Variants in RPS6KB2 observed in about 807,000 individuals in gnomAD.
The protein encoded by RPS6KB2 is ribosomal protein S6 kinase B2, also known as ribosomal protein S6 kinase beta-2.
A neutral mutation model predicts 58.2 loss-of-function variants in RPS6KB2; 51 were observed. That is an observed-to-expected ratio of 0.88 (90% confidence interval 0.70 to 1.11). RPS6KB2 has a LOEUF of 1.11. RPS6KB2 is among the 50% of genes least tolerant of loss of function. The pLI is 0.00. For missense variants in RPS6KB2, 671 were observed against 655.8 expected (o/e 1.02, Z -0.25); for synonymous variants, 293 against 258.6 (o/e 1.13, Z -1.28).
In RPS6KB2 at chr11:67,433,215, C is replaced by T. The variant is rs566933669; in HGVS notation, c.797C>T (p.Ser266Leu). The T allele has an allele frequency of 2.9e-5, 47 of 1,606,486 alleles. 2 individuals are homozygous for T. Among genetic ancestry groups the T allele is most frequent in the Middle Eastern group, 3.3e-4 (2 of 6,056 alleles). Reference sequence around the variant, plus strand: ...CTGATGTACGACATGCTCACTGGATCGGCAAGTCCAGCCCCCGGGGAGGAG... The same window carrying T: ...CTGATGTACGACATGCTCACTGGATTGGCAAGTCCAGCCCCCGGGGAGGAG... ...GALMYDMLTGSPPFTAENRKK... is the reference protein window; with the variant it reads ...GALMYDMLTGLPPFTAENRKK... The change falls in exon 9 of 15, where the codon TCG becomes TTG. Residue 266 changes from serine (S) to leucine (L), a missense_variant and splice_region_variant. Physicochemically the swap from Ser to Leu is moderately radical, Grantham distance 145. Coordinates refer to ENST00000312629, the MANE Select transcript of RPS6KB2 (RefSeq NM_003952.3).
intron 5 of RPS6KB2, 54 bp downstream of exon 5, chr11:67,431,569 C>T: frequency 5.1e-6 from 8 of 1,580,324 alleles, no homozygotes; most frequent in Admixed American, 1.7e-5. Context: ...GGCAGCGAGC[C>T]AGCAAAGGAA....
intron 5 of RPS6KB2, 65 bp from the exon 6 acceptor site, chr11:67,432,535 A>G: frequency 1.3e-6 from 2 of 1,554,702 alleles, no homozygotes; most frequent in Non-Finnish European, 8.9e-7. Flanking sequence ...AAGAAGAAAT[A>G]AAGACTCAGA....
At chr11:67,428,719 G>A (rs1359625475) in intron 1 of RPS6KB2, 96 bp downstream of exon 1, 8 of 1,226,932 alleles carry the variant, frequency 6.5e-6, no homozygotes, top group African/African-American at 1.5e-5. Context: ...AGCGGGCTCC[G>A]ACTCTTTGCA....
chr11:67,431,247 C>G (rs1864010524), intron 4 of RPS6KB2, 121 bp from the exon 5 acceptor site: 8 of 906,994 alleles, frequency 8.8e-6, no homozygotes, highest in Non-Finnish European at 1.4e-5. Flanking sequence ...CCAGGCTGGT[C>G]TCAAATTCCT....
chr11:67,429,572 T>A lies in RPS6KB2; in HGVS notation c.286T>A (p.Tyr96Asn). ...GCAAGGCACCAACTTGGGCAAAATA[T>A]ATGCCATGAAAGTCCTAAGGAAGGT... ...KVQGTNLGKI[Y>N]AMKVLRKAKI... The change falls in exon 4 of 15, where the codon TAT (tyrosine) becomes AAT (asparagine). Residue 96 changes from tyrosine (Y) to asparagine (N), a missense_variant. By Grantham distance (143) the Tyr-to-Asn change is moderately radical. Transcript: ENST00000312629. 6.2e-7 allele frequency: 1 copy of A among 1,613,006 alleles called. No individual in the cohort carries two copies. The highest frequency in any genetic ancestry group is 8.5e-7 in the Non-Finnish European group (1 of 1,179,644).
intron 5 of RPS6KB2, chr11:67,432,340 T>G: frequency 1.5e-6 from 1 of 670,748 alleles, no homozygotes; most frequent in South Asian, 1.5e-5. Flanking sequence ...TGTGTACATG[T>G]CTGTCTCCCC....
At position 67,435,088 on chromosome 11, in the gene RPS6KB2, C is replaced by T. The variant is rs776031413; in HGVS notation, c.1368C>T (p.Pro456=). The T allele has an allele frequency of 1.2e-5, 19 of 1,610,068 alleles. No individual in the cohort carries two copies. Among genetic ancestry groups the T allele is most frequent in the Middle Eastern group, 1.6e-4 (1 of 6,082 alleles). ...PLPPLLPPPP[P]STTAPLPIRP... Reference sequence around the variant, plus strand: ...CTCCACTCCTGCCACCGCCGCCGCCCTCGACCACCGCCCCTCTCCCCATCC... The same window carrying T: ...CTCCACTCCTGCCACCGCCGCCGCCTTCGACCACCGCCCCTCTCCCCATCC... The change falls in exon 15 of 15, where the codon CCC becomes CCT. Residue 456 remains proline (P), a synonymous_variant. Coordinates refer to ENST00000312629, the MANE Select transcript of RPS6KB2 (RefSeq NM_003952.3).
At chr11:67,432,692 A>G in intron 6 of RPS6KB2, 35 bp downstream of exon 6, 1 of 1,613,854 alleles carries the variant, frequency 6.2e-7, no homozygotes, top group Non-Finnish European at 8.5e-7. Context: ...TGAGGCTGCC[A>G]GGTCCCTGCT....
intron 5 of RPS6KB2, chr11:67,431,995 G>A (rs531590692): frequency 7.1e-5 from 20 of 280,764 alleles, no homozygotes; most frequent in Non-Finnish European, 1.3e-4. Context: ...GCCGACTGCT[G>A]AGGTCATAGA....
At position 67,434,430 on chromosome 11, in the gene RPS6KB2, G is replaced by A. The variant is rs202046035; in HGVS notation, c.1101G>A (p.Pro367=). Residue 367 remains proline, a synonymous_variant, in exon 13 of 15, where the codon CCG becomes CCA. Transcript: ENST00000312629. ...ATACCCGCTTCACACGGCAGACGCC[G>A]GTGGACAGTCCTGATGACACAGCCC... ...QFDTRFTRQT[P]VDSPDDTALS... 12 of 1,612,962 alleles carry A rather than the reference G, an allele frequency of 7.4e-6. No individual in the cohort carries two copies. Among genetic ancestry groups the A allele is most frequent in the Middle Eastern group, 1.6e-4 (1 of 6,084 alleles).
intron 4 of RPS6KB2, 137 bp from the exon 5 acceptor site, chr11:67,431,231 T>C (rs936279908): frequency 2.5e-5 from 18 of 722,362 alleles, no homozygotes; most frequent in Non-Finnish European, 3.7e-5. Flanking sequence ...GGTTTCACCA[T>C]GTTGGCCAGG....
At chr11:67,434,145 G>A (rs569038614) in intron 11 of RPS6KB2, 53 bp from the exon 12 acceptor site, 143 of 1,609,420 alleles carry the variant, frequency 8.9e-5, no homozygotes, top group Non-Finnish European at 1.0e-4. Context: ...GGGAGTGACC[G>A]GGGGGCAAGC....
chr11:67,435,134 A>T lies in RPS6KB2; in HGVS notation c.1414A>T (p.Lys472Ter). 1 of 1,600,860 alleles carries T rather than the reference A, an allele frequency of 6.2e-7. No individual in the cohort carries two copies. ...LPIRPPSGTK[K>*]SKRGRGRPGR ...CATCCGTCCCCCCTCAGGGACCAAG[A>T]AGTCCAAGAGGGGCCGTGGGCGTCC... Residue 472 changes from lysine to a stop codon, truncating the protein, a stop_gained, in exon 15 of 15, where the codon AAG becomes TAG. Transcript: ENST00000312629. LOFTEE classifies it high-confidence loss of function.
chr11:67,432,160 C>T, intron 5 of RPS6KB2: 1 of 379,970 alleles, frequency 2.6e-6, no homozygotes, highest in East Asian at 7.2e-5. Context: ...GCTTCTGCCT[C>T]CATGCTCTGC....
chr11:67,433,206 T>A lies in RPS6KB2; in HGVS notation c.788T>A (p.Leu263His), dbSNP rs555857765. The change falls in exon 9 of 15, where the codon CTC becomes CAC. Residue 263 changes from leucine to histidine, a missense_variant. By Grantham distance (99) the Leu-to-His change is moderately conservative. Coordinates refer to ENST00000312629, the MANE Select transcript of RPS6KB2 (RefSeq NM_003952.3). ...WSLGALMYDM[L>H]TGSPPFTAEN... is the part of the protein sequence containing the mutation. ...CTGGGGGCCCTGATGTACGACATGCTCACTGGATCGGCAAGTCCAGCCCCC... is the reference window on the plus strand; with the variant it reads ...CTGGGGGCCCTGATGTACGACATGCACACTGGATCGGCAAGTCCAGCCCCC... 1.2e-6 allele frequency: 2 copies of A among 1,606,634 alleles called. No homozygotes were observed. Among genetic ancestry groups the A allele is most frequent in the Admixed American group, 3.4e-5 (2 of 59,518 alleles).
intron 13 of RPS6KB2, 39 bp downstream of exon 13, chr11:67,434,523 G>A (rs906571732): frequency 1.2e-5 from 20 of 1,600,572 alleles, no homozygotes; most frequent in African/African-American, 1.2e-4. Flanking sequence ...ACCAGGGCAC[G>A]GATCGTGACT....
chr11:67,433,448 G>T lies in RPS6KB2; in HGVS notation c.906+1G>T. On this transcript the variant is annotated splice_donor_variant, in intron 10 of 14. Transcript: ENST00000312629. LOFTEE classifies it high-confidence loss of function. ...AGATGCCCGGGACCTTGTCAAAAAG[G>T]TGCAGCTCCCTTCTCTCTTCTCCGG... 1 of 1,604,674 alleles carries T rather than the reference G, an allele frequency of 6.2e-7. No individual in the cohort carries two copies. Among genetic ancestry groups the T allele is most frequent in the Non-Finnish European group, 8.5e-7 (1 of 1,171,498 alleles).
chr11:67,431,837 T>C, intron 5 of RPS6KB2: 2 of 323,802 alleles, frequency 6.2e-6, no homozygotes, highest in Non-Finnish European at 1.2e-5. Context: ...CCGTGTGCCC[T>C]GCATCCTGTC....
intron 10 of RPS6KB2, 54 bp downstream of exon 10, chr11:67,433,501 C>T (rs771633307): frequency 1.4e-4 from 191 of 1,376,974 alleles, no homozygotes; most frequent in Middle Eastern, 5.3e-4. Context: ...TGCACGTGTT[C>T]CTGAGTCTCT....
Sources: gnomAD v4.1 joint callset for allele counts on GRCh38, gnomAD v4.1.1 for gene constraint, MANE v1.5 for transcripts, NCBI Gene and HGNC (gene_info 2026-07-23, HGNC 2026-07-21) for gene names.